Variants in PPP3CA observed in about 807,000 individuals in gnomAD.
PPP3CA encodes the protein protein phosphatase 3 catalytic subunit alpha.
In PPP3CA, 14 loss-of-function variants were observed where a neutral mutation model predicts 66.5. That is an observed-to-expected ratio of 0.21 (90% CI 0.14 to 0.33). PPP3CA has a LOEUF of 0.33. Ranked by LOEUF, PPP3CA falls within the 10% of genes least tolerant of loss-of-function variation. PPP3CA has a pLI of 1.00. For synonymous variants in PPP3CA, 232 were observed against 226.2 expected (o/e 1.03, Z -0.23); for missense variants, 317 against 639.5 (o/e 0.50, Z 5.44).
intron 4 of PPP3CA, 137 bp from the exon 5 acceptor site, chr4:101,098,649 A>T (rs1730306031): frequency 1.5e-6 from 1 of 670,604 alleles, no homozygotes; most frequent in Non-Finnish European, 2.4e-6. Flanking sequence ...ATTCCAAAAC[A>T]TAATTAAGAT....
intron 6 of PPP3CA, among the ~76,000 whole-genome samples, chr4:101,087,156 C>A (rs1375434203): frequency 6.6e-6 from 1 of 152,178 alleles, no homozygotes; most frequent in Non-Finnish European, 1.5e-5. Context: ...TACCTGGATG[C>A]TGTCAGACCT....
chr4:101,224,283 CA>C (rs974192254), intron 1 of PPP3CA, among the ~76,000 whole-genome samples: 2 of 151,712 alleles, frequency 1.3e-5, no homozygotes, highest in Admixed American at 6.6e-5. Context: ...GATTCCTAAG[CA>C]TCTTGGTTTT....
chr4:101,159,759 A>T (rs886774399), intron 2 of PPP3CA, among the ~76,000 whole-genome samples: 7 of 152,178 alleles, frequency 4.6e-5, no homozygotes, highest in African/African-American at 1.7e-4. Context: ...GGATTGCAAA[A>T]TACCAGAAAT....
intron 1 of PPP3CA, among the ~76,000 whole-genome samples, chr4:101,229,518 T>C (rs1299217544): frequency 6.6e-6 from 1 of 151,760 alleles, no homozygotes; most frequent in Non-Finnish European, 1.5e-5. Context: ...TCTTGTACTT[T>C]TCAAGAACTG....
intron 10 of PPP3CA, among the ~76,000 whole-genome samples, chr4:101,053,578 C>G (rs768960171): frequency 6.6e-6 from 1 of 152,060 alleles, no homozygotes; most frequent in Non-Finnish European, 1.5e-5. Flanking sequence ...CTGTCACTAG[C>G]CCCAATTTCT....
At chr4:101,201,573 T>A (rs368490412) in intron 1 of PPP3CA, among the ~76,000 whole-genome samples, 1 of 152,224 alleles carries the variant, frequency 6.6e-6, no homozygotes, top group Non-Finnish European at 1.5e-5. Context: ...CACCAGTCAA[T>A]CAACCACAAC....
rs182157072 is a variant in PPP3CA, at chr4:101,160,222, G to A, written c.259+35694C>T. ...TTACAGTGACTGCAATGATGAAGTC[G>A]CTAACAAAATTCTCAAGTACGTACA... On this transcript the variant is annotated intron_variant, in intron 2 of 13. Transcript: ENST00000394854. 1.6e-3 allele frequency among the ~76,000 whole-genome samples: 237 copies of A among 152,114 alleles called. 1 individual carries two copies. Among genetic ancestry groups the A allele is most frequent in the African/African-American group, 5.5e-3 (227 of 41,498 alleles).
chr4:101,067,018 G>C (rs926817585), intron 8 of PPP3CA, among the ~76,000 whole-genome samples: 4 of 152,082 alleles, frequency 2.6e-5, no homozygotes, highest in Middle Eastern at 3.2e-3. Flanking sequence ...ATGACCTCTT[G>C]TCACTTAACA....
At chr4:101,224,597 C>G (rs1725723570) in intron 1 of PPP3CA, among the ~76,000 whole-genome samples, 1 of 151,782 alleles carries the variant, frequency 6.6e-6, no homozygotes, top group Non-Finnish European at 1.5e-5. Context: ...CACTAACACA[C>G]TGTTGTATAT....
chr4:101,254,872 T>C (rs1225337035), intron 1 of PPP3CA, among the ~76,000 whole-genome samples: 1 of 151,820 alleles, frequency 6.6e-6, no homozygotes, highest in East Asian at 1.9e-4. Flanking sequence ...CCTAAACTAC[T>C]ACATTCTTGA....
At chr4:101,304,942 T>C (rs2110303367) in intron 1 of PPP3CA, among the ~76,000 whole-genome samples, 1 of 152,184 alleles carries the variant, frequency 6.6e-6, no homozygotes, top group East Asian at 1.9e-4. Flanking sequence ...TTGAGGACAC[T>C]GAAAATTAAC....
chr4:101,289,853 TCCCAAA>T (rs1039539454), intron 1 of PPP3CA, among the ~76,000 whole-genome samples: 2 of 147,870 alleles, frequency 1.4e-5, no homozygotes, highest in Non-Finnish European at 3.0e-5. Flanking sequence ...ATCACTATAA[TCCCAAA>T]ATGTCCGTGT....
intron 2 of PPP3CA, among the ~76,000 whole-genome samples, chr4:101,130,475 G>T (rs982993617): frequency 2.6e-5 from 4 of 152,104 alleles, no homozygotes; most frequent in African/African-American, 9.7e-5. Context: ...TGAAATGAAG[G>T]AAAAAATGTA....
intron 3 of PPP3CA, among the ~76,000 whole-genome samples, chr4:101,104,403 T>C (rs1225916731): frequency 6.6e-6 from 1 of 152,200 alleles, no homozygotes; most frequent in Non-Finnish European, 1.5e-5. Flanking sequence ...GTGTGTACGT[T>C]TGTTCATGCA....
chr4:101,033,293 A>AACAC lies in PPP3CA; in HGVS notation c.1242-933_1242-930dup, dbSNP rs70961772. Among the ~76,000 whole-genome samples the AACAC allele has an allele frequency of 6.8e-3, 950 of 139,344 alleles. 14 individuals are homozygous for AACAC. The highest frequency in any genetic ancestry group is 0.021 in the African/African-American group (800 of 37,466). 91.4% of individuals were successfully genotyped at this position (139,344 alleles called of 152,430 possible). On this transcript the variant is annotated intron_variant, in intron 11 of 13. Transcript: ENST00000394854. ...ACATAGAGACACACACACACACACA[A>AACAC]ACACACACACACACACACACACACA...
chr4:101,212,757 A>G (rs1725336876), intron 1 of PPP3CA, among the ~76,000 whole-genome samples: 1 of 150,744 alleles, frequency 6.6e-6, no homozygotes, highest in South Asian at 2.1e-4. Context: ...TCAAAGCAGC[A>G]ATTAAACTAC....
intron 1 of PPP3CA, among the ~76,000 whole-genome samples, chr4:101,312,044 C>T (rs966208068): frequency 6.6e-6 from 1 of 152,146 alleles, no homozygotes; most frequent in African/African-American, 2.4e-5. Flanking sequence ...TGAATGCCTA[C>T]TCTTTGCCAA....
intron 2 of PPP3CA, among the ~76,000 whole-genome samples, chr4:101,136,379 A>G (rs1722621391): frequency 6.6e-6 from 1 of 152,070 alleles, no homozygotes; most frequent in South Asian, 2.1e-4. Flanking sequence ...CGTCTCTACT[A>G]AAAATACAAA....
intron 2 of PPP3CA, among the ~76,000 whole-genome samples, chr4:101,111,869 T>C (rs1721681532): frequency 6.6e-6 from 1 of 152,196 alleles, no homozygotes; most frequent in Non-Finnish European, 1.5e-5. Flanking sequence ...CATTTCAAAA[T>C]GGCTGTATTT....
Sources: gnomAD v4.1 joint callset for allele counts (sites outside exome capture counted in the v4.1 genomes callset) on GRCh38, gnomAD v4.1.1 for gene constraint, MANE v1.5 for transcripts, NCBI Gene and HGNC (gene_info 2026-07-23, HGNC 2026-07-21) for gene names.